RFTN1: variants seen among roughly 807,000 people sequenced by gnomAD.
The protein encoded by RFTN1 is raftlin, lipid raft linker 1, also known as raftlin.
RFTN1 carries 26 observed loss-of-function variants against 46.5 expected under a neutral mutation model. The ratio of observed to expected loss-of-function variants is 0.56; its 90% CI spans 0.41 to 0.78. The LOEUF (loss-of-function observed/expected upper bound fraction) is 0.78, where lower values mean the gene tolerates loss of function less well. Among genes scored for constraint, RFTN1 ranks in the 30% least tolerant of loss-of-function variants. RFTN1 has a pLI of 0.00. For synonymous variants in RFTN1, 261 were observed against 284.2 expected (o/e 0.92, Z 0.82); for missense variants, 693 against 718.7 (o/e 0.96, Z 0.41).
rs1223882882 is a variant in RFTN1 at position 16,421,653 on chromosome 3, C to T, written c.333-12170G>A. Among the ~76,000 whole-genome samples the T allele has an allele frequency of 4.6e-5, 7 of 152,034 alleles. No individual in the cohort carries two copies. In the East Asian group the frequency reaches 1.4e-3, roughly 29 times the overall value. Reference sequence around the variant, plus strand: ...GTGTGAGCCACCACGCCCAGCCCAACATTGGTGTTTTAATCTCATACTGCG... The same window carrying T: ...GTGTGAGCCACCACGCCCAGCCCAATATTGGTGTTTTAATCTCATACTGCG... On this transcript the variant is annotated intron_variant, in intron 3 of 9. Transcript: ENST00000334133. This position sits in a 1 kb window ranked among gnomAD's most constrained non-coding sequence, Gnocchi z 4.6.
chr3:16,429,147 T>TG lies in RFTN1; in HGVS notation c.332+4703dup. Among the ~76,000 whole-genome samples the TG allele has an allele frequency of 6.6e-6, 1 of 152,146 alleles. No homozygotes were observed. The highest frequency in any genetic ancestry group is 6.5e-5 in the Admixed American group (1 of 15,280). On this transcript the variant is annotated intron_variant, in intron 3 of 9. Coordinates refer to ENST00000334133, the MANE Select transcript of RFTN1 (RefSeq NM_015150.2). This position sits in a 1 kb window ranked among gnomAD's most constrained non-coding sequence, Gnocchi z 6.4. ...ATTAAGAACAGTTTACAGTTAGATG[T>TG]GTGGCTAGGCCTGCCATGGTAAAAT...
At chr3:16,367,641 G>A (rs1430675876) in intron 6 of RFTN1, among the ~76,000 whole-genome samples, 2 of 152,198 alleles carry the variant, frequency 1.3e-5, no homozygotes, top group African/African-American at 4.8e-5. Flanking sequence ...TGAATTTAAT[G>A]TGGTTAAAGC....
At chr3:16,462,805 G>A (rs2076028361) in intron 2 of RFTN1, among the ~76,000 whole-genome samples, 1 of 152,190 alleles carries the variant, frequency 6.6e-6, no homozygotes, top group Admixed American at 6.5e-5. Flanking sequence ...ATGGGTGCAG[G>A]TCTCGTTTGA....
At chr3:16,432,374 C>T (rs1372166163) in intron 3 of RFTN1, among the ~76,000 whole-genome samples, 1 of 152,052 alleles carries the variant, frequency 6.6e-6, no homozygotes, top group East Asian at 1.9e-4. Flanking sequence ...AAAAATTAGC[C>T]AGGCATGGTG....
At chr3:16,496,462 C>T (rs115067899) in intron 1 of RFTN1, among the ~76,000 whole-genome samples, 2,420 of 152,228 alleles carry the variant, frequency 0.016, 27 homozygotes, top group Non-Finnish European at 0.023. Context: ...TGCAAATGGC[C>T]AAGGAACATA....
At chr3:16,397,185 A>G (rs535784619) in intron 4 of RFTN1, among the ~76,000 whole-genome samples, 1 of 152,360 alleles carries the variant, frequency 6.6e-6, no homozygotes, top group Admixed American at 6.5e-5. Flanking sequence ...CTTAAAAAAT[A>G]TCTTGCCATT....
At chr3:16,430,690 G>C (rs994212453) in intron 3 of RFTN1, among the ~76,000 whole-genome samples, 3 of 152,048 alleles carry the variant, frequency 2.0e-5, no homozygotes, top group Non-Finnish European at 4.4e-5. Context: ...TCAACACAAA[G>C]TTACCTAAGG....
rs1476439243 is a variant in RFTN1 at position 16,481,002 on chromosome 3, C to T, written c.145+12723G>A. On this transcript the variant is annotated intron_variant, in intron 2 of 9. Transcript: ENST00000334133. The surrounding 1 kb of genome is among the most constrained non-coding windows in gnomAD (Gnocchi z 5.1). ...GCACATGCACACACACACACAGACACACACACACACACACACACACACACA... is the reference window on the plus strand; with the variant it reads ...GCACATGCACACACACACACAGACATACACACACACACACACACACACACA... Among the ~76,000 whole-genome samples the T allele has an allele frequency of 6.8e-6, 1 of 147,534 alleles. No individual in the cohort carries two copies. The highest frequency in any genetic ancestry group is 2.6e-5 in the African/African-American group (1 of 39,178).
chr3:16,389,979 AGTCT>A (rs745500211), intron 4 of RFTN1, among the ~76,000 whole-genome samples: 1 of 152,224 alleles, frequency 6.6e-6, no homozygotes, highest in Admixed American at 6.5e-5. Flanking sequence ...AGCCTTAAGC[AGTCT>A]GTCGAGAGGC....
At chr3:16,395,614 T>G (rs2074450982) in intron 4 of RFTN1, among the ~76,000 whole-genome samples, 1 of 152,150 alleles carries the variant, frequency 6.6e-6, no homozygotes, top group Non-Finnish European at 1.5e-5. Flanking sequence ...CTCAGCTAAT[T>G]TTATTTTTTA....
intron 4 of RFTN1, among the ~76,000 whole-genome samples, chr3:16,388,480 A>T (rs2074261708): frequency 6.6e-6 from 1 of 152,236 alleles, no homozygotes; most frequent in Non-Finnish European, 1.5e-5. Flanking sequence ...TTTTAAAAAT[A>T]TATTCATTTG....
intron 1 of RFTN1, among the ~76,000 whole-genome samples, chr3:16,510,446 T>C (rs1199472888): frequency 1.3e-5 from 2 of 152,346 alleles, no homozygotes; most frequent in South Asian, 2.1e-4. Flanking sequence ...TCTGAAAATC[T>C]CTAAAAATAA....
intron 2 of RFTN1, among the ~76,000 whole-genome samples, chr3:16,491,571 G>T (rs1402770444): frequency 2.0e-5 from 3 of 152,192 alleles, no homozygotes; most frequent in African/African-American, 7.2e-5. Context: ...AAGCAGTGTG[G>T]ATGCTGCAGC....
rs1284894468 is a variant in RFTN1, at chr3:16,320,192, T to C, written c.1333-2960A>G. On this transcript the variant is annotated intron_variant, in intron 9 of 9. Transcript: ENST00000334133. This position sits in a 1 kb window ranked among gnomAD's most constrained non-coding sequence, Gnocchi z 4.5. ...TTCAAGTAGTTTAGCTGGAAGGAAG[T>C]CTTCCCGAGTTGTAGAAATCACCTA... Among the ~76,000 whole-genome samples the C allele has an allele frequency of 1.3e-5, 2 of 152,340 alleles. No homozygotes were observed. The highest frequency in any genetic ancestry group is 2.9e-5 in the Non-Finnish European group (2 of 68,028).
chr3:16,345,807 T>C lies in RFTN1; in HGVS notation c.1146+12125A>G. Among the ~76,000 whole-genome samples the C allele has an allele frequency of 1.2e-5, 1 of 86,272 alleles. No individual in the cohort carries two copies. Among genetic ancestry groups the C allele is most frequent in the South Asian group, 3.7e-4 (1 of 2,714 alleles). 56.6% of individuals were successfully genotyped at this position (86,272 alleles called of 152,430 possible). On this transcript the variant is annotated intron_variant, in intron 7 of 9. Transcript: ENST00000334133. This position sits in a 1 kb window ranked among gnomAD's most constrained non-coding sequence, Gnocchi z 5.2. ...AAATCTCTGTGTGTGTGTGTGTGTG[T>C]GTGTGTGTGTGCGCGCGCGCGTGCG...
Position 16,451,472 on chromosome 3 carries a change from C to G in RFTN1, c.146-17435G>C, listed in dbSNP as rs893459031. ...GGTGTAGTCTCAAACCTGTTTATGC[C>G]AGTTGCACTGGTTATAATGAATAAG... is the stretch of plus-strand genomic sequence containing the variant. On this transcript the variant is annotated intron_variant, in intron 2 of 9. Coordinates refer to ENST00000334133, the MANE Select transcript of RFTN1 (RefSeq NM_015150.2). The surrounding 1 kb of genome is among the most constrained non-coding windows in gnomAD (Gnocchi z 4.2). Among the ~76,000 whole-genome samples, 1 of 152,086 alleles carries G rather than the reference C, an allele frequency of 6.6e-6. No homozygotes were observed. The highest frequency in any genetic ancestry group is 6.5e-5 in the Admixed American group (1 of 15,268).
At chr3:16,417,176 ATT>A (rs985343106) in intron 3 of RFTN1, among the ~76,000 whole-genome samples, 2 of 144,092 alleles carry the variant, frequency 1.4e-5, no homozygotes, top group African/African-American at 2.5e-5. Flanking sequence ...TGTCTGGCTA[ATT>A]TTTTTTTTTT....
intron 9 of RFTN1, among the ~76,000 whole-genome samples, chr3:16,318,506 T>A (rs867887505): frequency 6.6e-6 from 1 of 152,192 alleles, no homozygotes; most frequent in South Asian, 2.1e-4. Context: ...AAATGTGCTA[T>A]GTAAATGTTT....
chr3:16,347,117 A>G (rs183524981), intron 7 of RFTN1, among the ~76,000 whole-genome samples: 156 of 152,198 alleles, frequency 1.0e-3, no homozygotes, highest in African/African-American at 3.3e-3. Context: ...TCCAGGGCCA[A>G]TTGTCCCAGT....
Sources: gnomAD v4.1 joint callset for allele counts (sites outside exome capture counted in the v4.1 genomes callset) on GRCh38, gnomAD v4.1.1 for gene constraint, Gnocchi (gnomAD v3.1) non-coding constraint, MANE v1.5 for transcripts, NCBI Gene and HGNC (gene_info 2026-07-23, HGNC 2026-07-21) for gene names.